Variants in SLC10A2 observed in about 807,000 individuals in gnomAD.
SLC10A2 encodes solute carrier family 10 member 2.
Under a neutral mutation model 27.1 loss-of-function variants are expected in SLC10A2, and 34 were observed. The ratio of observed to expected loss-of-function variants is 1.26; its 90% CI spans 0.96 to 1.67. SLC10A2 has a LOEUF of 1.67. Among genes scored for constraint, SLC10A2 ranks in the 40% most tolerant of loss-of-function variants. SLC10A2 has a pLI of 0.00. For missense variants in SLC10A2, 530 were observed against 444.4 expected (o/e 1.19, Z -1.73); for synonymous variants, 205 against 174.0 (o/e 1.18, Z -1.40).
chr13:103,065,732 G>C, intron 1 of SLC10A2, 141 bp downstream of exon 1: 1 of 913,008 alleles, frequency 1.1e-6, no homozygotes, highest in Non-Finnish European at 1.8e-6. Flanking sequence ...GAAGGCACGG[G>C]AATGCATTTA....
intron 2 of SLC10A2, among the ~76,000 whole-genome samples, chr13:103,053,472 A>G (rs1241376822): frequency 6.6e-6 from 1 of 152,200 alleles, no homozygotes; most frequent in Admixed American, 6.5e-5. Flanking sequence ...TTTTTGCGAC[A>G]TGTGGTTTGT....
At chr13:103,060,227 A>C (rs2138923002) in intron 1 of SLC10A2, among the ~76,000 whole-genome samples, 1 of 152,296 alleles carries the variant, frequency 6.6e-6, no homozygotes, top group East Asian at 1.9e-4. Flanking sequence ...GGCTGAAAGC[A>C]GGCGGTGCCA....
intron 2 of SLC10A2, among the ~76,000 whole-genome samples, chr13:103,053,549 C>T (rs1225658013): frequency 8.0e-4 from 122 of 152,290 alleles, no homozygotes; most frequent in Non-Finnish European, 8.8e-5. Context: ...CCAACAACTT[C>T]TAACTTTTCA....
chr13:103,063,847 TA>T (rs1876198224), intron 1 of SLC10A2, among the ~76,000 whole-genome samples: 1 of 152,168 alleles, frequency 6.6e-6, no homozygotes, highest in Non-Finnish European at 1.5e-5. Flanking sequence ...GAATAATTGA[TA>T]ATTAAGAGAG....
chr13:103,046,160 A>G lies in SLC10A2; in HGVS notation c.1020T>C (p.Asn340=), dbSNP rs201690389. ...ACTTTTCGTCAGGTTGAAATCCTCC[A>G]TTTGCCTTATAAAACGATGACTCTG... is the stretch of plus-strand genomic sequence containing the variant. The part of the protein sequence containing the change: ...TEPESSFYKA[N]GGFQPDEK Residue 340 remains asparagine (N), a synonymous_variant, in exon 6 of 6, where the codon AAT becomes AAC. Transcript: ENST00000245312. 3.9e-5 allele frequency: 63 copies of G among 1,613,584 alleles called. No homozygotes were observed. Among genetic ancestry groups the G allele is most frequent in the Non-Finnish European group, 4.8e-5 (57 of 1,179,838 alleles).
rs1018843499 is a variant in SLC10A2, at chr13:103,044,138, G to A, written c.*1995C>T. The A allele has an allele frequency of 6.6e-6, 1 of 152,150 alleles. No individual in the cohort carries two copies. The highest frequency in any genetic ancestry group is 2.4e-5 in the African/African-American group (1 of 41,440). 9.4% of individuals were successfully genotyped at this position (152,150 alleles called of 1,614,324 possible). On this transcript the variant is annotated 3_prime_UTR_variant, in exon 6 of 6. Coordinates refer to ENST00000245312, the MANE Select transcript of SLC10A2 (RefSeq NM_000452.3). ...GAGAGCTATCATTTTAGAAAGCTCA[G>A]CTATTTTTCTTCCCACTAGCAAATT...
At position 103,052,469 on chromosome 13, in the gene SLC10A2, C is replaced by A. The variant is rs569448568; in HGVS notation, c.585+151G>T. The A allele has an allele frequency of 9.2e-4, 630 of 686,838 alleles. 8 individuals are homozygous for A. Among genetic ancestry groups the A allele is most frequent in the South Asian group, 6.1e-3 (389 of 63,964 alleles). 42.5% of individuals were successfully genotyped at this position (686,838 alleles called of 1,614,324 possible). A position where few individuals can be genotyped will look rare whatever the true frequency, so the allele number is the denominator to read the frequency against. Reference sequence around the variant, plus strand: ...CTCTCTACACACATATAAAGAAGGACATTCTAAAGGAGAAGACTGCATGGC... The same window carrying A: ...CTCTCTACACACATATAAAGAAGGAAATTCTAAAGGAGAAGACTGCATGGC... On this transcript the variant is annotated intron_variant, in intron 3 of 5. Transcript: ENST00000245312.
chr13:103,064,755 A>G (rs955443246), intron 1 of SLC10A2, among the ~76,000 whole-genome samples: 6 of 151,926 alleles, frequency 3.9e-5, no homozygotes, highest in Non-Finnish European at 5.9e-5. Flanking sequence ...TTAAAAAAAA[A>G]AAAGCAATTG....
rs193138551 is a variant in SLC10A2 at position 103,066,280 on chromosome 13, C to T, written c.-31G>A. The T allele has an allele frequency of 6.3e-7, 1 of 1,575,164 alleles. No homozygotes were observed. Among genetic ancestry groups the T allele is most frequent in the African/African-American group, 1.3e-5 (1 of 74,294 alleles). On this transcript the variant is annotated 5_prime_UTR_variant, in exon 1 of 6. Transcript: ENST00000245312. ...GGTCTGCTGCTGGAAAGGCCAAGTC[C>T]ACAGAAGCGCTGGTCCCTGGGCCCT...
Position 103,058,331 on chromosome 13 carries a change from C to T in SLC10A2, c.429G>A (p.Leu143=). ...ACATTTTGGTATAGATAAGGAGGCA[C>T]AGCGGCATCATTCCGAGGGCAAGCA... ...STLLALGMMP[L]CLLIYTKMWV... is the part of the protein sequence containing the mutation. The change falls in exon 2 of 6, where the codon CTG becomes CTA. Residue 143 remains leucine, a synonymous_variant. Coordinates refer to ENST00000245312, the MANE Select transcript of SLC10A2 (RefSeq NM_000452.3). 1.9e-6 allele frequency: 3 copies of T among 1,613,986 alleles called. No homozygotes were observed. Among genetic ancestry groups the T allele is most frequent in the Non-Finnish European group, 2.5e-6 (3 of 1,179,916 alleles).
chr13:103,049,340 G>T lies in SLC10A2; in HGVS notation c.868C>A (p.Pro290Thr), dbSNP rs56398830. ...PEELNVVFTFPLIYSIFQLAF... is the reference protein window; with the variant it reads ...PEELNVVFTFTLIYSIFQLAF... ...AGCTGGAAAATGCTGTAGATGAGCGGGAAGGTGAATACGACATTGAGCTCC... is the reference window on the plus strand; with the variant it reads ...AGCTGGAAAATGCTGTAGATGAGCGTGAAGGTGAATACGACATTGAGCTCC... The change falls in exon 5 of 6, where the codon CCG (proline) becomes ACG (threonine). Residue 290 changes from proline (P) to threonine (T), a missense_variant. By Grantham distance (38) the Pro-to-Thr change is conservative. Transcript: ENST00000245312. 5.6e-6 allele frequency: 9 copies of T among 1,613,896 alleles called. No homozygotes were observed. Among genetic ancestry groups the T allele is most frequent in the Middle Eastern group, 1.6e-4 (1 of 6,082 alleles).
intron 2 of SLC10A2, among the ~76,000 whole-genome samples, chr13:103,057,981 C>T (rs1448856981): frequency 1.3e-5 from 2 of 152,092 alleles, no homozygotes; most frequent in African/African-American, 4.8e-5. Flanking sequence ...GCTCCCATGT[C>T]CCCAAAGCTT....
At chr13:103,063,961 G>A (rs1876200857) in intron 1 of SLC10A2, among the ~76,000 whole-genome samples, 1 of 152,132 alleles carries the variant, frequency 6.6e-6, no homozygotes, top group African/African-American at 2.4e-5. Flanking sequence ...CTTCTCTTTT[G>A]CCCTTCCTAA....
At chr13:103,065,010 G>A (rs1790261883) in intron 1 of SLC10A2, among the ~76,000 whole-genome samples, 1 of 152,186 alleles carries the variant, frequency 6.6e-6, no homozygotes, top group Admixed American at 6.5e-5. Flanking sequence ...TATTTAATAA[G>A]CACACGTTGC....
intron 4 of SLC10A2, among the ~76,000 whole-genome samples, chr13:103,050,554 C>A (rs957520497): frequency 9.2e-5 from 14 of 152,304 alleles, no homozygotes; most frequent in Non-Finnish European, 1.5e-4. Flanking sequence ...TCCAAGGCAG[C>A]CCAACTGCTT....
chr13:103,062,161 A>G (rs922587989), intron 1 of SLC10A2, among the ~76,000 whole-genome samples: 3 of 152,234 alleles, frequency 2.0e-5, no homozygotes, highest in African/African-American at 7.2e-5. Context: ...AAAGATTGTA[A>G]TCATATTAGA....
At chr13:103,053,114 GTGTGTGTGTGTGTA>G (rs1875838207) in intron 2 of SLC10A2, among the ~76,000 whole-genome samples, 1 of 141,198 alleles carries the variant, frequency 7.1e-6, no homozygotes, top group African/African-American at 2.9e-5. Context: ...GTGTGTGTGT[GTGTGTGTGTGTGTA>G]TGGCATACAA....
chr13:103,052,235 C>A (rs766201946), intron 3 of SLC10A2, among the ~76,000 whole-genome samples: 7 of 152,086 alleles, frequency 4.6e-5, no homozygotes, highest in Non-Finnish European at 2.9e-5. Context: ...CAGTAATATG[C>A]CCTGAGGACA....
At chr13:103,051,844 C>T (rs1378825051) in intron 3 of SLC10A2, among the ~76,000 whole-genome samples, 1 of 152,164 alleles carries the variant, frequency 6.6e-6, no homozygotes, top group Non-Finnish European at 1.5e-5. Flanking sequence ...TAAAATGTCG[C>T]CCCAGCTTCC....
Sources: allele counts gnomAD v4.1 joint callset (sites outside exome capture counted in the v4.1 genomes callset), GRCh38; gene constraint gnomAD v4.1.1; transcripts MANE v1.5; gene names NCBI Gene and HGNC (gene_info 2026-07-23, HGNC 2026-07-21).